The following AGO1 variants were observed in gnomAD, a reference collection of about 807,000 sequenced individuals.
The protein encoded by AGO1 is argonaute RISC component 1.
AGO1 carries 11 observed loss-of-function variants against 109.2 expected under a neutral mutation model. The ratio of observed to expected loss-of-function variants is 0.10; its 90% CI spans 0.06 to 0.17. The LOEUF (loss-of-function observed/expected upper bound fraction) is 0.17, where lower values mean the gene tolerates loss of function less well. Ranked by LOEUF, AGO1 falls within the 10% of genes least tolerant of loss-of-function variation. AGO1 has a pLI of 1.00. For synonymous variants in AGO1, 422 were observed against 418.6 expected (o/e 1.01, Z -0.10); for missense variants, 574 against 1,140.3 (o/e 0.50, Z 7.15).
chr1:35,928,641 T>TAGG lies in AGO1; in HGVS notation c.*9034_*9035insAGG, dbSNP rs1645977129. 6.6e-6 allele frequency: 1 copy of TAGG among 152,238 alleles called. No homozygotes were observed. Among genetic ancestry groups the TAGG allele is most frequent in the Non-Finnish European group, 1.5e-5 (1 of 68,032 alleles). 9.4% of individuals were successfully genotyped at this position (152,238 alleles called of 1,614,324 possible). A position where few individuals can be genotyped will look rare whatever the true frequency, so the allele number is the denominator to read the frequency against. Reference sequence around the variant, plus strand: ...TTTATTGAGTTGTAAGAGTTCTTTATTCATTTTAAACACAAGTCCTTTGTT... The same window carrying TAGG: ...TTTATTGAGTTGTAAGAGTTCTTTATAGGTCATTTTAAACACAAGTCCTTTGTT... On this transcript the variant is annotated 3_prime_UTR_variant, in exon 19 of 19. Transcript: ENST00000373204.
chr1:35,918,591 A>G (rs1645776993), intron 17 of AGO1, among the ~76,000 whole-genome samples, 168 bp downstream of exon 17: 1 of 152,224 alleles, frequency 6.6e-6, no homozygotes, highest in Non-Finnish European at 1.5e-5. Flanking sequence ...TCTGTCCCCC[A>G]GGCTGGAGTG....
chr1:35,915,636 T>C (rs1476761366), intron 15 of AGO1, 94 bp downstream of exon 15: 1 of 1,209,696 alleles, frequency 8.3e-7, no homozygotes, highest in African/African-American at 1.5e-5. Flanking sequence ...GAGAGGTGTG[T>C]CACTTCTTAG....
chr1:35,903,949 G>A (rs1283952076), intron 11 of AGO1, among the ~76,000 whole-genome samples: 5 of 151,038 alleles, frequency 3.3e-5, no homozygotes, highest in East Asian at 3.9e-4. Flanking sequence ...GTAACAAAGC[G>A]AGACTCCATC....
At position 35,893,347 on chromosome 1, in the gene AGO1, A is replaced by G; in HGVS notation, c.512+69A>G. 6.6e-7 allele frequency: 1 copy of G among 1,524,038 alleles called. No homozygotes were observed. Among genetic ancestry groups the G allele is most frequent in the Non-Finnish European group, 8.9e-7 (1 of 1,123,984 alleles). 94.4% of individuals were successfully genotyped at this position (1,524,038 alleles called of 1,614,324 possible). A position where few individuals can be genotyped will look rare whatever the true frequency, so the allele number is the denominator to read the frequency against. On this transcript the variant is annotated intron_variant, in intron 4 of 18. Transcript: ENST00000373204. This position sits in a 1 kb window ranked among gnomAD's most constrained non-coding sequence, Gnocchi z 5.6. ...CTGCTGTCAGGGGAGGAGGGGGAGC[A>G]CATATTAAGGTCCCACAGAGTGCCA... is the stretch of plus-strand genomic sequence containing the variant.
intron 12 of AGO1, among the ~76,000 whole-genome samples, chr1:35,912,216 G>T (rs537390463): frequency 6.6e-6 from 1 of 151,854 alleles, no homozygotes. Context: ...AAAATTAACC[G>T]GACATGGTGG....
Position 35,925,626 on chromosome 1 carries a change from G to A in AGO1, c.*6019G>A, listed in dbSNP as rs1401515206. 2 of 151,728 alleles carry A rather than the reference G, an allele frequency of 1.3e-5. No homozygotes were observed. The highest frequency in any genetic ancestry group is 4.9e-5 in the African/African-American group (2 of 41,210). 9.4% of individuals were successfully genotyped at this position (151,728 alleles called of 1,614,324 possible). A position where few individuals can be genotyped will look rare whatever the true frequency, so the allele number is the denominator to read the frequency against. On this transcript the variant is annotated 3_prime_UTR_variant, in exon 19 of 19. Coordinates refer to ENST00000373204, the MANE Select transcript of AGO1 (RefSeq NM_012199.5). ...GTCTGTGGTTTATGAGTATGGGCTG[G>A]GTGGGCAGTGGATCAAGAAGTGATA...
Position 35,883,861 on chromosome 1 carries a change from A to G in AGO1, c.25+415A>G, listed in dbSNP as rs946971815. On this transcript the variant is annotated intron_variant, in intron 1 of 18. Coordinates refer to ENST00000373204, the MANE Select transcript of AGO1 (RefSeq NM_012199.5). This position sits in a 1 kb window ranked among gnomAD's most constrained non-coding sequence, Gnocchi z 5.4. ...GGGCTCCGCTGGGCTGGAATAGGCT[A>G]ATGTCTCTTGGGAGAAGGCGCCAGA... Among the ~76,000 whole-genome samples the G allele has an allele frequency of 6.6e-6, 1 of 152,142 alleles. No homozygotes were observed. The highest frequency in any genetic ancestry group is 1.5e-5 in the Non-Finnish European group (1 of 68,004).
rs202083240 is a variant in AGO1, at chr1:35,888,449, C to A, written c.48C>A (p.Pro16=). The part of the protein sequence containing the change: ...SGAAAGAYLP[P]LQQVFQAPRR... Reference sequence around the variant, plus strand: ...TAGCTGCGGGCGCTTACCTGCCCCCCCTGCAGCAGGTGTTCCAGGCACCTC... The same window carrying A: ...TAGCTGCGGGCGCTTACCTGCCCCCACTGCAGCAGGTGTTCCAGGCACCTC... The change falls in exon 2 of 19, where the codon CCC becomes CCA. Residue 16 remains proline, a synonymous_variant. Transcript: ENST00000373204. This position sits in a 1 kb window ranked among gnomAD's most constrained non-coding sequence, Gnocchi z 4.1. 1.9e-6 allele frequency: 3 copies of A among 1,614,160 alleles called. No individual in the cohort carries two copies. The highest frequency in any genetic ancestry group is 1.1e-5 in the South Asian group (1 of 91,082).
chr1:35,899,010 C>T (rs1216982496), intron 8 of AGO1, among the ~76,000 whole-genome samples: 6 of 152,200 alleles, frequency 3.9e-5, no homozygotes, highest in Non-Finnish European at 8.8e-5. Flanking sequence ...AGAACTTTTT[C>T]ATCATTCCAC....
chr1:35,876,644 G>C (rs1644995465), intron 1 of AGO1, among the ~76,000 whole-genome samples: 1 of 152,180 alleles, frequency 6.6e-6, no homozygotes, highest in Non-Finnish European at 1.5e-5. Context: ...TGTGAACATT[G>C]TTGAAATGTC....
In AGO1 at chr1:35,893,924, C is replaced by T. The variant is rs895358485; in HGVS notation, c.650-113C>T. ...CCTAGTCTAATTCCTACAGCCCTGG[C>T]ACCCCCTTCCCCCATCCCAATGCCC... On this transcript the variant is annotated intron_variant, in intron 5 of 18. Coordinates refer to ENST00000373204, the MANE Select transcript of AGO1 (RefSeq NM_012199.5). The surrounding 1 kb of genome is among the most constrained non-coding windows in gnomAD (Gnocchi z 5.6). 8.5e-6 allele frequency: 13 copies of T among 1,525,850 alleles called. No homozygotes were observed. In the Admixed American group the frequency reaches 9.8e-5, roughly 12 times the overall value. 94.5% of individuals were successfully genotyped at this position (1,525,850 alleles called of 1,614,324 possible).
chr1:35,901,536 C>G lies in AGO1; in HGVS notation c.1083C>G (p.Thr361=), dbSNP rs1200825557. 8 of 1,614,156 alleles carry G rather than the reference C, an allele frequency of 5.0e-6. No individual in the cohort carries two copies. The highest frequency in any genetic ancestry group is 6.8e-6 in the Non-Finnish European group (8 of 1,180,014). Residue 361 remains threonine (T), a synonymous_variant, in exon 9 of 19, where the codon ACC becomes ACG. Transcript: ENST00000373204. This position sits in a 1 kb window ranked among gnomAD's most constrained non-coding sequence, Gnocchi z 4.8. ...IKKLTDNQTS[T]MIKATARSAP... ...AGCTGACCGACAACCAGACCTCGAC[C>G]ATGATAAAGGCCACAGCTAGATCCG...
At chr1:35,877,000 C>G (rs1325713051) in intron 1 of AGO1, among the ~76,000 whole-genome samples, 1 of 152,196 alleles carries the variant, frequency 6.6e-6, no homozygotes, top group Non-Finnish European at 1.5e-5. Context: ...ATTGCCTGTG[C>G]TCATCCAGGG....
rs777676638 is a variant in AGO1, at chr1:35,892,544, C to CT, written c.210-12dup. ...GTCTCTCAGCTTCCACAGGCCACTC[C>CT]TATCCCCCACAGGGAAGTGGTGGAA... is the stretch of plus-strand genomic sequence containing the variant. On this transcript the variant is annotated splice_polypyrimidine_tract_variant and intron_variant, in intron 2 of 18. Coordinates refer to ENST00000373204, the MANE Select transcript of AGO1 (RefSeq NM_012199.5). 6.2e-7 allele frequency: 1 copy of CT among 1,614,226 alleles called. No homozygotes were observed. The highest frequency in any genetic ancestry group is 1.1e-5 in the South Asian group (1 of 91,084).
At chr1:35,913,244 C>T (rs529989710) in intron 12 of AGO1, among the ~76,000 whole-genome samples, 80 of 152,186 alleles carry the variant, frequency 5.3e-4, no homozygotes, top group Admixed American at 5.1e-3. Context: ...TGATCTCAAT[C>T]TCCTGACCTC....
chr1:35,923,001 AAG>A lies in AGO1; in HGVS notation c.*3397_*3398del, dbSNP rs1221573684. 2.0e-5 allele frequency: 3 copies of A among 152,356 alleles called. No individual in the cohort carries two copies. Among genetic ancestry groups the A allele is most frequent in the East Asian group, 3.9e-4 (2 of 5,184 alleles). The allele number at this position is 152,356 out of a possible 1,614,324, so 9.4% of individuals were successfully genotyped here. A position where few individuals can be genotyped will look rare whatever the true frequency, so the allele number is the denominator to read the frequency against. On this transcript the variant is annotated 3_prime_UTR_variant, in exon 19 of 19. Transcript: ENST00000373204. ...TGTTAGGGGATGGACATAAAGGAAA[AAG>A]AGTGATGAGAAGAGAATGGAGAGAA...
rs1333357254 is a variant in AGO1, at chr1:35,927,009, G to A, written c.*7402G>A. ...GAGGGACCTTTCTAGGGAGCCTTTG[G>A]TCCTTTGTCCCCATTTTCCAAAGGG... On this transcript the variant is annotated 3_prime_UTR_variant, in exon 19 of 19. Coordinates refer to ENST00000373204, the MANE Select transcript of AGO1 (RefSeq NM_012199.5). The A allele has an allele frequency of 1.3e-5, 2 of 148,960 alleles. No homozygotes were observed. Among genetic ancestry groups the A allele is most frequent in the East Asian group, 4.0e-4 (2 of 5,030 alleles). 9.2% of individuals were successfully genotyped at this position (148,960 alleles called of 1,614,324 possible).
Position 35,888,580 on chromosome 1 carries a change from A to G in AGO1, c.179A>G (p.Lys60Arg). The change falls in exon 2 of 19, where the codon AAG (lysine) becomes AGG (arginine). Residue 60 changes from lysine to arginine, a missense_variant. Physicochemically the swap from Lys to Arg is conservative, Grantham distance 26. Coordinates refer to ENST00000373204, the MANE Select transcript of AGO1 (RefSeq NM_012199.5). The surrounding 1 kb of genome is among the most constrained non-coding windows in gnomAD (Gnocchi z 4.1). ...GTGTACCACTACGAGGTGGACATCA[A>G]GCCGGATAAGTGTCCCCGTAGAGTC... is the stretch of plus-strand genomic sequence containing the variant. The part of the protein sequence containing the change: ...IDVYHYEVDI[K>R]PDKCPRRVNR... 1.2e-6 allele frequency: 2 copies of G among 1,614,254 alleles called. No homozygotes were observed. Among genetic ancestry groups the G allele is most frequent in the Non-Finnish European group, 1.7e-6 (2 of 1,180,036 alleles).
upstream of AGO1, chr1:35,883,179 GC>G (rs1645056146): frequency 3.5e-6 from 4 of 1,154,378 alleles, no homozygotes; most frequent in African/African-American, 1.6e-5. The surrounding 1 kb of genome is among the most constrained non-coding windows in gnomAD (Gnocchi z 5.4). Context: ...GTTCCGGTCC[GC>G]CCCCTGGGCC....
Sources: gnomAD v4.1 joint callset for allele counts (sites outside exome capture counted in the v4.1 genomes callset) on GRCh38, gnomAD v4.1.1 for gene constraint, Gnocchi (gnomAD v3.1) non-coding constraint, MANE v1.5 for transcripts, NCBI Gene and HGNC (gene_info 2026-07-23, HGNC 2026-07-21) for gene names.